The following CENPP variants were observed in gnomAD, a reference collection of about 807,000 sequenced individuals.
CENPP encodes the protein centromere protein P.
Under a neutral mutation model 35.6 loss-of-function variants are expected in CENPP, and 24 were observed. The ratio of observed to expected loss-of-function variants is 0.67; its 90% CI spans 0.49 to 0.95. CENPP has a LOEUF of 0.95. Ranked by LOEUF, CENPP falls within the 40% of genes least tolerant of loss-of-function variation. The pLI, the probability that CENPP is intolerant of heterozygous loss-of-function variation, is 0.00. For missense variants in CENPP, 332 were observed against 345.3 expected (o/e 0.96, Z 0.31); for synonymous variants, 120 against 125.5 (o/e 0.96, Z 0.29).
rs12345078 is a variant in CENPP, at chr9:92,598,249, C to G, written c.565-13065C>G. ...AGGGCAGGGGCCAGCTCTCACCCCCCACTGCCATGGGTCCCTCTGAGAAGG... is the reference window on the plus strand; with the variant it reads ...AGGGCAGGGGCCAGCTCTCACCCCCGACTGCCATGGGTCCCTCTGAGAAGG... On this transcript the variant is annotated intron_variant, in intron 5 of 7. Transcript: ENST00000375587. 3.2e-3 allele frequency among the ~76,000 whole-genome samples: 487 copies of G among 152,324 alleles called. 3 individuals are homozygous for G. Among genetic ancestry groups the G allele is most frequent in the Non-Finnish European group, 5.8e-3 (392 of 68,030 alleles).
chr9:92,330,840 C>G (rs555584240), intron 1 of CENPP, among the ~76,000 whole-genome samples: 1 of 151,994 alleles, frequency 6.6e-6, no homozygotes, highest in African/African-American at 2.4e-5. Context: ...AGGCACCCGC[C>G]ACCACTCGAG....
chr9:92,448,379 C>A (rs772534675), intron 5 of CENPP, among the ~76,000 whole-genome samples: 15 of 151,756 alleles, frequency 9.9e-5, no homozygotes, highest in Non-Finnish European at 1.6e-4. Flanking sequence ...AAGCGATTAT[C>A]CTGCCTCAGC....
intron 5 of CENPP, among the ~76,000 whole-genome samples, chr9:92,585,631 C>T (rs1850521932): frequency 6.6e-6 from 1 of 152,162 alleles, no homozygotes; most frequent in Admixed American, 6.5e-5. Context: ...AGTATCTCCT[C>T]TGAAACCACC....
rs1851405732 is a variant in CENPP, at chr9:92,615,596, T to A, written c.*2447T>A. ...CGTCTTCCCAGGGCTTAACGGACACTTCCATTTTAAGAGTGTGAGCAGCTT... is the reference window on the plus strand; with the variant it reads ...CGTCTTCCCAGGGCTTAACGGACACATCCATTTTAAGAGTGTGAGCAGCTT... On this transcript the variant is annotated 3_prime_UTR_variant, in exon 8 of 8. Coordinates refer to ENST00000375587, the MANE Select transcript of CENPP (RefSeq NM_001012267.3). 2.0e-6 allele frequency: 1 copy of A among 505,726 alleles called. No individual in the cohort carries two copies. The highest frequency in any genetic ancestry group is 2.2e-5 in the South Asian group (1 of 46,066). 31.3% of individuals were successfully genotyped at this position (505,726 alleles called of 1,614,324 possible).
intron 5 of CENPP, among the ~76,000 whole-genome samples, chr9:92,402,023 A>T (rs1014992868): frequency 6.6e-6 from 1 of 152,126 alleles, no homozygotes; most frequent in Non-Finnish European, 1.5e-5. Flanking sequence ...ACTCCACTCC[A>T]CAAATATCTT....
intron 5 of CENPP, among the ~76,000 whole-genome samples, chr9:92,590,978 A>G (rs1850649756): frequency 6.6e-6 from 1 of 152,260 alleles, no homozygotes; most frequent in Non-Finnish European, 1.5e-5. Context: ...TTTTGAATAA[A>G]TGAGCCAAAA....
At chr9:92,468,928 T>C (rs189187040) in intron 5 of CENPP, among the ~76,000 whole-genome samples, 200 of 152,328 alleles carry the variant, frequency 1.3e-3, no homozygotes, top group African/African-American at 4.4e-3. Context: ...GTCCCTGGAA[T>C]GCTCCTAAAA....
intron 5 of CENPP, among the ~76,000 whole-genome samples, chr9:92,407,049 C>T (rs143369354): frequency 4.5e-4 from 68 of 152,250 alleles, no homozygotes; most frequent in African/African-American, 1.5e-3. Context: ...GGGGGAGATG[C>T]GTAGGGGCAG....
At chr9:92,346,596 G>A (rs1841300965) in intron 4 of CENPP, among the ~76,000 whole-genome samples, 1 of 152,178 alleles carries the variant, frequency 6.6e-6, no homozygotes, top group Non-Finnish European at 1.5e-5. Flanking sequence ...AAAGTTTTGA[G>A]CAGGGCCTGA....
chr9:92,476,285 C>T lies in CENPP; in HGVS notation c.564+96426C>T, dbSNP rs1478053894. Among the ~76,000 whole-genome samples the T allele has an allele frequency of 6.6e-6, 1 of 152,154 alleles. No individual in the cohort carries two copies. Among genetic ancestry groups the T allele is most frequent in the African/African-American group, 2.4e-5 (1 of 41,436 alleles). On this transcript the variant is annotated intron_variant, in intron 5 of 7. Transcript: ENST00000375587. The surrounding 1 kb of genome is among the most constrained non-coding windows in gnomAD (Gnocchi z 4.1). ...TCCAAATCCCAACTGGTTGCAATTT[C>T]CCAGAACCAAAAAATCAGCTTTAAC...
At chr9:92,571,780 T>C (rs1850146998) in intron 5 of CENPP, among the ~76,000 whole-genome samples, 1 of 152,208 alleles carries the variant, frequency 6.6e-6, no homozygotes, top group Non-Finnish European at 1.5e-5. Context: ...TGGGTGCATA[T>C]ATATTTAGGA....
At chr9:92,570,702 T>A (rs1033915158) in intron 5 of CENPP, among the ~76,000 whole-genome samples, 2 of 152,250 alleles carry the variant, frequency 1.3e-5, no homozygotes, top group Non-Finnish European at 2.9e-5. Context: ...TGAATCCGTC[T>A]GGTCCTGGAC....
intron 5 of CENPP, chr9:92,385,659 A>G (rs1425195718): frequency 6.2e-7 from 1 of 1,614,176 alleles, no homozygotes; most frequent in Admixed American, 1.7e-5. Flanking sequence ...TTAAGCAAAT[A>G]AAACTGTTTG....
At chr9:92,385,446 T>A in intron 5 of CENPP, 1 of 573,814 alleles carries the variant, frequency 1.7e-6, no homozygotes, top group Non-Finnish European at 3.0e-6. Flanking sequence ...AGACATTCAG[T>A]CTTACTTTTT....
chr9:92,342,097 A>G (rs2130796991), intron 3 of CENPP, among the ~76,000 whole-genome samples: 1 of 152,388 alleles, frequency 6.6e-6, no homozygotes, highest in South Asian at 2.1e-4. Flanking sequence ...GTCATGGCAC[A>G]ATGATCACAT....
At chr9:92,352,678 A>T (rs1037551077) in intron 4 of CENPP, among the ~76,000 whole-genome samples, 5 of 151,080 alleles carry the variant, frequency 3.3e-5, no homozygotes, top group African/African-American at 1.2e-4. Context: ...AAGGACAGGA[A>T]GCATCCACCA....
intron 5 of CENPP, among the ~76,000 whole-genome samples, chr9:92,547,025 A>C (rs1019857877): frequency 2.0e-5 from 3 of 152,178 alleles, no homozygotes; most frequent in Admixed American, 2.0e-4. Context: ...CATAGATTTT[A>C]AAATACGTAT....
chr9:92,485,369 G>A (rs1846030469), intron 5 of CENPP, among the ~76,000 whole-genome samples: 1 of 151,970 alleles, frequency 6.6e-6, no homozygotes, highest in East Asian at 1.9e-4. Context: ...GTATATTTAG[G>A]AATCACAAGT....
intron 4 of CENPP, among the ~76,000 whole-genome samples, chr9:92,371,677 G>A (rs966843900): frequency 2.0e-5 from 3 of 151,996 alleles, no homozygotes; most frequent in Non-Finnish European, 4.4e-5. Flanking sequence ...TTTATTATCT[G>A]TCTAATGCTG....
Sources: allele counts gnomAD v4.1 joint callset (sites outside exome capture counted in the v4.1 genomes callset), GRCh38; gene constraint gnomAD v4.1.1; non-coding constraint Gnocchi (gnomAD v3.1); transcripts MANE v1.5; gene names NCBI Gene and HGNC (gene_info 2026-07-23, HGNC 2026-07-21).